Variants in CEP112 observed in about 807,000 individuals in gnomAD.
CEP112 encodes centrosomal protein of 112 kDa.
In CEP112, 127 loss-of-function variants were observed where a neutral mutation model predicts 153.0. The ratio of observed to expected loss-of-function variants is 0.83; its 90% CI spans 0.72 to 0.96. The LOEUF is 0.96. CEP112 is among the 40% of genes least tolerant of loss of function. CEP112 has a pLI of 0.00. For synonymous variants in CEP112, 358 were observed against 374.4 expected, an observed-to-expected ratio of 0.96 and a Z score of 0.51; for missense variants, 1,089 against 1,101.2, an observed-to-expected ratio of 0.99 and a Z score of 0.16.
intron 20 of CEP112, among the ~76,000 whole-genome samples, chr17:65,852,358 T>C (rs1250433612): frequency 2.1e-5 from 1 of 48,700 alleles, no homozygotes; most frequent in African/African-American, 8.8e-5. Flanking sequence ...TCCCTTCCCC[T>C]CCCCTCCTCC....
chr17:66,031,481 TTTTTG>T (rs1568405934), intron 12 of CEP112, among the ~76,000 whole-genome samples: 3 of 34,824 alleles, frequency 8.6e-5, no homozygotes, highest in Non-Finnish European at 3.4e-4. Flanking sequence ...TTGTTTTTTT[TTTTTG>T]TTTTTTTTTT....
At chr17:65,863,583 G>A (rs990836897) in intron 20 of CEP112, among the ~76,000 whole-genome samples, 4 of 143,476 alleles carry the variant, frequency 2.8e-5, no homozygotes, top group Admixed American at 7.3e-5. Flanking sequence ...GTGAAACCCC[G>A]TCTCTACTAA....
chr17:66,186,979 C>T (rs1598524036), intron 1 of CEP112, among the ~76,000 whole-genome samples: 1 of 152,188 alleles, frequency 6.6e-6, no homozygotes, highest in African/African-American at 2.4e-5. Context: ...CTGTATCAGA[C>T]GCAGTAACTC....
intron 21 of CEP112, among the ~76,000 whole-genome samples, chr17:65,781,170 C>G (rs1056872862): frequency 2.0e-5 from 3 of 151,998 alleles, no homozygotes; most frequent in Non-Finnish European, 1.5e-5. Flanking sequence ...GACCTAGACT[C>G]AAGGATACAA....
intron 20 of CEP112, among the ~76,000 whole-genome samples, 157 bp downstream of exon 20, chr17:65,901,995 G>T (rs2059875896): frequency 2.0e-5 from 1 of 48,818 alleles, no homozygotes; most frequent in Non-Finnish European, 4.3e-5. Context: ...GGGGGGGGGG[G>T]GGGTGGGGGG....
At chr17:65,891,575 T>C (rs2059468987) in intron 20 of CEP112, among the ~76,000 whole-genome samples, 1 of 152,188 alleles carries the variant, frequency 6.6e-6, no homozygotes, top group African/African-American at 2.4e-5. Context: ...CTGCCTCACA[T>C]ACGCATGCCA....
At chr17:65,977,683 A>G (rs895548775) in intron 17 of CEP112, among the ~76,000 whole-genome samples, 2 of 152,212 alleles carry the variant, frequency 1.3e-5, no homozygotes, top group Non-Finnish European at 2.9e-5. Context: ...GCTCATGCCT[A>G]TAATCCCGAC....
At chr17:65,762,277 G>T (rs1222637015) in intron 21 of CEP112, among the ~76,000 whole-genome samples, 2 of 151,694 alleles carry the variant, frequency 1.3e-5, no homozygotes, top group Non-Finnish European at 2.9e-5. Flanking sequence ...TGTTAGTATG[G>T]TATATATTTT....
At position 66,183,229 on chromosome 17, in the gene CEP112, A is replaced by G. The variant is rs2146918239; in HGVS notation, c.71T>C (p.Met24Thr). Reference sequence around the variant, plus strand: ...AGGTAATTTTAGAACAAAGGGCTTCATATCAACCACAAAGTGATCAAATTC... The same window carrying G: ...AGGTAATTTTAGAACAAAGGGCTTCGTATCAACCACAAAGTGATCAAATTC... ...DAEFDHFVVDMKPFVLKLPHR... is the reference protein window; with the variant it reads ...DAEFDHFVVDTKPFVLKLPHR... Residue 24 changes from methionine (M) to threonine (T), a missense_variant, in exon 2 of 27, where the codon ATG becomes ACG. Physicochemically the swap from Met to Thr is moderately conservative, Grantham distance 81 (BLOSUM62 -1). Coordinates refer to ENST00000535342, the MANE Select transcript of CEP112 (RefSeq NM_001199165.4). 1.2e-6 allele frequency: 2 copies of G among 1,611,392 alleles called. No individual in the cohort carries two copies.
intron 20 of CEP112, among the ~76,000 whole-genome samples, chr17:65,880,707 A>C (rs1165746813): frequency 6.6e-6 from 1 of 152,334 alleles, no homozygotes; most frequent in East Asian, 1.9e-4. Context: ...TGAGGTGTGA[A>C]GACGTGCTCT....
chr17:65,839,046 G>T (rs1259687127), intron 21 of CEP112, among the ~76,000 whole-genome samples: 1 of 151,990 alleles, frequency 6.6e-6, no homozygotes, highest in East Asian at 1.9e-4. Context: ...AGAACCTGAG[G>T]GCTTCACTGC....
At chr17:65,835,889 T>C (rs2057288183) in intron 21 of CEP112, among the ~76,000 whole-genome samples, 1 of 152,168 alleles carries the variant, frequency 6.6e-6, no homozygotes, top group African/African-American at 2.4e-5. Context: ...AAAGACAAAC[T>C]ATTTTAAAAT....
chr17:65,857,049 G>A (rs2058145284), intron 20 of CEP112, among the ~76,000 whole-genome samples: 1 of 152,152 alleles, frequency 6.6e-6, no homozygotes, highest in Non-Finnish European at 1.5e-5. Context: ...TCTCCATAAA[G>A]TGAGTCACAT....
At chr17:66,045,871 T>C (rs1371538139) in intron 12 of CEP112, among the ~76,000 whole-genome samples, 4 of 139,648 alleles carry the variant, frequency 2.9e-5, no homozygotes, top group African/African-American at 1.0e-4. Context: ...GTCAAAACTA[T>C]TTCTATAACT....
At chr17:65,877,076 G>C (rs1331416411) in intron 20 of CEP112, among the ~76,000 whole-genome samples, 1 of 152,168 alleles carries the variant, frequency 6.6e-6, no homozygotes, top group Non-Finnish European at 1.5e-5. Context: ...AGCTCTGCAC[G>C]TGTGTGTGGC....
chr17:66,133,343 A>G (rs952291403), intron 4 of CEP112, among the ~76,000 whole-genome samples: 1 of 152,208 alleles, frequency 6.6e-6, no homozygotes, highest in Non-Finnish European at 1.5e-5. Context: ...GGTTGGATTC[A>G]TGTTCCACAT....
At chr17:65,656,220 A>G (rs768965007) in intron 24 of CEP112, among the ~76,000 whole-genome samples, 1 of 152,232 alleles carries the variant, frequency 6.6e-6, no homozygotes, top group Non-Finnish European at 1.5e-5. Flanking sequence ...GACTTTCCCC[A>G]TTGATGTCAT....
chr17:65,738,052 A>G (rs187901205), intron 23 of CEP112, among the ~76,000 whole-genome samples: 3 of 152,340 alleles, frequency 2.0e-5, no homozygotes, highest in Admixed American at 1.3e-4. Context: ...GCACCCATGT[A>G]ACATGCCATT....
intron 25 of CEP112, among the ~76,000 whole-genome samples, chr17:65,637,661 G>GT (rs1256976857): frequency 6.6e-6 from 1 of 152,286 alleles, no homozygotes; most frequent in East Asian, 1.9e-4. Flanking sequence ...AAAGCCAGCG[G>GT]TCCCCTCCTC....
Sources: gnomAD v4.1 joint callset for allele counts (sites outside exome capture counted in the v4.1 genomes callset) on GRCh38, gnomAD v4.1.1 for gene constraint, MANE v1.5 for transcripts, NCBI Gene and HGNC (gene_info 2026-07-23, HGNC 2026-07-21) for gene names.